Variants in RASAL2 observed in about 807,000 individuals in gnomAD.
RASAL2 encodes the protein ras GTPase-activating protein nGAP.
Under a neutral mutation model 128.9 loss-of-function variants are expected in RASAL2, and 58 were observed. That is an observed-to-expected ratio of 0.45 (90% CI 0.36 to 0.56). The LOEUF is 0.56. Among genes scored for constraint, RASAL2 ranks in the 20% least tolerant of loss-of-function variants. The pLI is 0.00. For synonymous variants in RASAL2, 561 were observed against 580.8 expected (o/e 0.97, Z 0.49); for missense variants, 1,360 against 1,601.6 (o/e 0.85, Z 2.57).
intron 3 of RASAL2, among the ~76,000 whole-genome samples, chr1:178,351,370 A>G (rs1164551298): frequency 6.6e-6 from 1 of 152,196 alleles, no homozygotes; most frequent in Admixed American, 6.5e-5. Context: ...TCCAAAACCC[A>G]AAGTATCATC....
chr1:178,290,839 C>A (rs988185645), intron 2 of RASAL2, among the ~76,000 whole-genome samples: 1 of 151,870 alleles, frequency 6.6e-6, no homozygotes, highest in African/African-American at 2.4e-5. Flanking sequence ...CCACGCACGG[C>A]TAATTTTTTT....
At chr1:178,315,493 G>C (rs1324827461) in intron 3 of RASAL2, among the ~76,000 whole-genome samples, 3 of 145,232 alleles carry the variant, frequency 2.1e-5, no homozygotes, top group African/African-American at 8.3e-5. Flanking sequence ...TAACTGGTGT[G>C]AGATGGTATC....
chr1:178,419,018 G>A (rs79294714), intron 4 of RASAL2, among the ~76,000 whole-genome samples: 5,979 of 152,186 alleles, frequency 0.039, 403 homozygotes, highest in African/African-American at 0.13. Flanking sequence ...GATTAGGGGG[G>A]TGATTAGATA....
intron 1 of RASAL2, among the ~76,000 whole-genome samples, chr1:178,166,480 C>G (rs1217665224): frequency 1.3e-5 from 2 of 152,106 alleles, no homozygotes; most frequent in Non-Finnish European, 2.9e-5. Flanking sequence ...AAAAGAACAT[C>G]TTTTAAAAAT....
Position 178,411,773 on chromosome 1 carries a change from GTGC to G in RASAL2, c.565-8733_565-8731del, listed in dbSNP as rs1377778329. 7.6e-6 allele frequency: 6 copies of G among 786,884 alleles called. No homozygotes were observed. In the African/African-American group the frequency reaches 8.4e-5, roughly 11 times the overall value. The allele number at this position is 786,884 out of a possible 1,614,324, so 48.7% of individuals were successfully genotyped here. ...GCAGACCGAGATGAATCCTCGCCAT[GTGC>G]TGCTTTTTTGGCTGCCCAGGATGTG... On this transcript the variant is annotated intron_variant, in intron 4 of 17. Coordinates refer to ENST00000367649, the MANE Select transcript of RASAL2 (RefSeq NM_170692.4).
chr1:178,171,176 C>T (rs1234271840), intron 1 of RASAL2, among the ~76,000 whole-genome samples: 2 of 151,870 alleles, frequency 1.3e-5, no homozygotes, highest in African/African-American at 4.8e-5. Context: ...AATTTCTACT[C>T]CTTAAGACAT....
Position 178,472,265 on chromosome 1 carries a change from G to T in RASAL2, c.3679-810G>T, listed in dbSNP as rs111987390. On this transcript the variant is annotated intron_variant, in intron 17 of 17. Transcript: ENST00000367649. Reference sequence around the variant, plus strand: ...TCTTTTCTTCCCCCTTGGTTTTTGTGTGTGTGTATTCACCAATGCTTGGTT... The same window carrying T: ...TCTTTTCTTCCCCCTTGGTTTTTGTTTGTGTGTATTCACCAATGCTTGGTT... Among the ~76,000 whole-genome samples, 362 of 151,704 alleles carry T rather than the reference G, an allele frequency of 2.4e-3. 2 individuals carry two copies. The highest frequency in any genetic ancestry group is 8.3e-3 in the South Asian group (40 of 4,804).
intron 11 of RASAL2, 98 bp downstream of exon 11, chr1:178,452,750 C>A: frequency 1.1e-6 from 1 of 948,050 alleles, no homozygotes; most frequent in Non-Finnish European, 1.6e-6. Context: ...ACTCATGTTA[C>A]CAGATTTTCA....
chr1:178,345,759 A>C (rs1347121315), intron 3 of RASAL2, among the ~76,000 whole-genome samples: 1 of 152,164 alleles, frequency 6.6e-6, no homozygotes, highest in African/African-American at 2.4e-5. Context: ...TGTCAAAATG[A>C]GTGCAAGAAG....
chr1:178,230,090 G>C (rs954788277), intron 1 of RASAL2, among the ~76,000 whole-genome samples: 6 of 151,824 alleles, frequency 4.0e-5, no homozygotes, highest in Non-Finnish European at 8.8e-5. Context: ...TCTTTTTTTG[G>C]CATAATATCT....
At chr1:178,209,793 A>G (rs1280465180) in intron 1 of RASAL2, among the ~76,000 whole-genome samples, 1 of 151,836 alleles carries the variant, frequency 6.6e-6, no homozygotes, top group African/African-American at 2.4e-5. Context: ...AGTCTCCTAG[A>G]CTATGTATGT....
intron 3 of RASAL2, among the ~76,000 whole-genome samples, chr1:178,321,674 CAGATAATTTTTTTATTTAAAA>C (rs1294919995): frequency 2.6e-5 from 4 of 151,832 alleles, no homozygotes; most frequent in Non-Finnish European, 5.9e-5. Context: ...CCACCAGAAC[CAGATAATTTTTTTATTTAAAA>C]AAATTTTTGT....
At chr1:178,165,462 G>T in intron 1 of RASAL2, among the ~76,000 whole-genome samples, 1 of 152,150 alleles carries the variant, frequency 6.6e-6, no homozygotes, top group Non-Finnish European at 1.5e-5. Context: ...AAGAGGATGT[G>T]CATAGGTTAT....
In RASAL2 at chr1:178,442,946, T is replaced by C. The variant is rs75491995; in HGVS notation, c.1199T>C (p.Ile400Thr). ...AATAATTATGTAGGGCTAGTCAACA[T>C]CCCCACTGCCAGTGTGACTGGTCGC... is the stretch of plus-strand genomic sequence containing the variant. ...DKNNYVGLVN[I>T]PTASVTGRQF... Residue 400 changes from isoleucine (I) to threonine (T), a missense_variant, in exon 8 of 18, where the codon ATC becomes ACC. Transcript: ENST00000367649. 1 of 1,613,900 alleles carries C rather than the reference T, an allele frequency of 6.2e-7. No individual in the cohort carries two copies. The highest frequency in any genetic ancestry group is 2.2e-5 in the East Asian group (1 of 44,880).
At chr1:178,295,370 C>A (rs1667447450) in intron 2 of RASAL2, among the ~76,000 whole-genome samples, 1 of 152,004 alleles carries the variant, frequency 6.6e-6, no homozygotes, top group South Asian at 2.1e-4. Flanking sequence ...CTCTCCTCAC[C>A]CCTCACCCCC....
chr1:178,277,943 C>CTGGT (rs1213382596), intron 1 of RASAL2, among the ~76,000 whole-genome samples: 3 of 152,282 alleles, frequency 2.0e-5, no homozygotes, highest in Non-Finnish European at 4.4e-5. Context: ...ACCAATGCAA[C>CTGGT]ACAGTGTAGT....
chr1:178,192,515 A>G (rs1333123328), intron 1 of RASAL2, among the ~76,000 whole-genome samples: 1 of 152,228 alleles, frequency 6.6e-6, no homozygotes, highest in Admixed American at 6.5e-5. Flanking sequence ...GCTGTTTTAG[A>G]TGACACATCT....
chr1:178,238,640 G>A (rs1402356535), intron 1 of RASAL2, among the ~76,000 whole-genome samples: 1 of 151,948 alleles, frequency 6.6e-6, no homozygotes. Flanking sequence ...ATCACCTCAA[G>A]TACCTATTAG....
intron 1 of RASAL2, among the ~76,000 whole-genome samples, chr1:178,176,614 A>T (rs1414168162): frequency 8.2e-5 from 12 of 145,514 alleles, no homozygotes; most frequent in Middle Eastern, 3.6e-3. Flanking sequence ...TATTTGTTGC[A>T]TTTTTTTTTT....
Sources: allele counts gnomAD v4.1 joint callset (sites outside exome capture counted in the v4.1 genomes callset), GRCh38; gene constraint gnomAD v4.1.1; transcripts MANE v1.5; gene names NCBI Gene and HGNC (gene_info 2026-07-23, HGNC 2026-07-21).